Variants in SREK1 observed in about 807,000 individuals in gnomAD.
SREK1 encodes splicing regulatory glutamine/lysine-rich protein 1.
A neutral mutation model predicts 66.5 loss-of-function variants in SREK1; 13 were observed. That is an observed-to-expected ratio of 0.20 (90% CI 0.13 to 0.31). SREK1 has a LOEUF of 0.31. SREK1 is among the 10% of genes least tolerant of loss of function. The pLI, the probability that SREK1 is intolerant of heterozygous loss-of-function variation, is 1.00. For synonymous variants in SREK1, 265 were observed against 263.5 expected (o/e 1.01, Z -0.05); for missense variants, 607 against 769.6 (o/e 0.79, Z 2.50).
At chr5:66,168,902 A>G (rs1402660164) in intron 7 of SREK1, 2 of 152,204 alleles carry the variant, frequency 1.3e-5, no homozygotes, top group Admixed American at 6.5e-5. Context: ...GCAGTTTTAC[A>G]TACATCATCA....
chr5:66,171,617 A>G (rs969839163), intron 9 of SREK1, among the ~76,000 whole-genome samples: 10 of 152,316 alleles, frequency 6.6e-5, no homozygotes, highest in African/African-American at 1.9e-4. Context: ...CCTAACTTAT[A>G]CTACACTATC....
chr5:66,161,774 A>AT (rs1744793994), intron 3 of SREK1, among the ~76,000 whole-genome samples: 1 of 152,188 alleles, frequency 6.6e-6, no homozygotes, highest in South Asian at 2.1e-4. Flanking sequence ...TTCACCCTGT[A>AT]TTTTCCCTAG....
At chr5:66,159,404 C>A in intron 3 of SREK1, 70 bp downstream of exon 3, 3 of 1,173,290 alleles carry the variant, frequency 2.6e-6, no homozygotes, top group Non-Finnish European at 3.5e-6. Context: ...TAGAGAGCTT[C>A]AGATTATTTG....
At chr5:66,161,634 C>T (rs1242828315) in intron 3 of SREK1, among the ~76,000 whole-genome samples, 1 of 152,162 alleles carries the variant, frequency 6.6e-6, no homozygotes, top group Non-Finnish European at 1.5e-5. Flanking sequence ...TGTAGCGCTG[C>T]TGGCTGTAAG....
chr5:66,177,546 A>T lies in SREK1; in HGVS notation c.1613A>T (p.Glu538Val). 1 of 1,604,052 alleles carries T rather than the reference A, an allele frequency of 6.2e-7. No homozygotes were observed. The change falls in exon 11 of 12, where the codon GAA becomes GTA. Residue 538 changes from glutamate (E) to valine (V), a missense_variant. This residue lies in a region of SREK1 where 318 missense variants were observed against 310.3 expected (regional missense o/e 1.02). Transcript: ENST00000334121. ...AAGAAGGATAAAAAGAGAGAAAAAG[A>T]AAGGGACCACATCAGTGAAAGAAGA... ...RNKKDKKREK[E>V]RDHISERRER...
rs185452813 is a variant in SREK1 at position 66,144,616 on chromosome 5, G to T, written c.161+79G>T. 13 of 1,470,976 alleles carry T rather than the reference G, an allele frequency of 8.8e-6. No homozygotes were observed. In the East Asian group the frequency reaches 3.0e-4, roughly 34 times the overall value. The allele number at this position is 1,470,976 out of a possible 1,614,324, so 91.1% of individuals were successfully genotyped here. A position where few individuals can be genotyped will look rare whatever the true frequency, so the allele number is the denominator to read the frequency against. On this transcript the variant is annotated intron_variant, in intron 1 of 11. Transcript: ENST00000334121. ...GAGCCGAGGCGTGGAGGAGAGCGCG[G>T]ACGCGGGCGCGCGGTGCATGTCACG...
rs777010784 is a variant in SREK1 at position 66,170,612 on chromosome 5, G to T, written c.1149G>T (p.Lys383Asn). ...SRDKRKDTRE[K>N]IKEKERVKEK... ...ACAAGAGAAAAGACACTCGAGAAAA[G>T]ATCAAGGAAAAGGAAAGAGTGAAAG... The change falls in exon 9 of 12, where the codon AAG becomes AAT. Residue 383 changes from lysine to asparagine, a missense_variant. This residue lies in a region of SREK1 where 318 missense variants were observed against 310.3 expected (regional missense o/e 1.02). Transcript: ENST00000334121. 11 of 1,607,710 alleles carry T rather than the reference G, an allele frequency of 6.8e-6. No homozygotes were observed. Among genetic ancestry groups the T allele is most frequent in the Non-Finnish European group, 9.3e-6 (11 of 1,178,522 alleles).
At chr5:66,170,326 G>A (rs1745526583) in intron 8 of SREK1, among the ~76,000 whole-genome samples, 156 bp downstream of exon 8, 1 of 152,104 alleles carries the variant, frequency 6.6e-6, no homozygotes, top group Non-Finnish European at 1.5e-5. Context: ...TAGTAATCTA[G>A]GATTAATATT....
chr5:66,173,840 A>G (rs1311357199), intron 9 of SREK1, among the ~76,000 whole-genome samples: 1 of 152,238 alleles, frequency 6.6e-6, no homozygotes, highest in Admixed American at 6.5e-5. Flanking sequence ...TAATGTATCT[A>G]ATTTCCACAT....
chr5:66,160,953 T>G (rs1744709131), intron 3 of SREK1, among the ~76,000 whole-genome samples: 1 of 152,224 alleles, frequency 6.6e-6, no homozygotes, highest in Non-Finnish European at 1.5e-5. Flanking sequence ...TTAAAAATAA[T>G]ACGTTCCTTA....
Position 66,182,694 on chromosome 5 carries a change from T to C in SREK1, c.*3826T>C, listed in dbSNP as rs1349726182. 6.6e-6 allele frequency: 1 copy of C among 152,188 alleles called. No homozygotes were observed. The highest frequency in any genetic ancestry group is 1.9e-4 in the East Asian group (1 of 5,196). 9.4% of individuals were successfully genotyped at this position (152,188 alleles called of 1,614,324 possible). A position where few individuals can be genotyped will look rare whatever the true frequency, so the allele number is the denominator to read the frequency against. ...GATCCTCTCACCTCAGCCTCTTGAA[T>C]AGCTGGGACCACAGACATGTGCCAC... On this transcript the variant is annotated 3_prime_UTR_variant, in exon 12 of 12. Transcript: ENST00000334121.
chr5:66,167,907 T>C (rs187146845), intron 7 of SREK1: 1 of 152,328 alleles, frequency 6.6e-6, no homozygotes, highest in East Asian at 1.9e-4. Flanking sequence ...GATTACCCTA[T>C]GTGGATATCT....
chr5:66,162,356 T>C, intron 4 of SREK1, 58 bp from the exon 5 acceptor site: 1 of 1,604,980 alleles, frequency 6.2e-7, no homozygotes. Flanking sequence ...GATACAGTAA[T>C]ATTTATCTGA....
chr5:66,157,302 TG>T, intron 2 of SREK1: 1 of 984,654 alleles, frequency 1.0e-6, no homozygotes, highest in African/African-American at 1.7e-5. Flanking sequence ...TGGCCAGTGT[TG>T]AATACCCTTT....
chr5:66,179,774 G>A lies in SREK1; in HGVS notation c.*906G>A, dbSNP rs2112124354. ...GAAGCTTTAGTGCCTTCTACAATGT[G>A]GTATACTGTTTTCTAGAATTTTATA... On this transcript the variant is annotated 3_prime_UTR_variant, in exon 12 of 12. Coordinates refer to ENST00000334121, the MANE Select transcript of SREK1 (RefSeq NM_001077199.3). The A allele has an allele frequency of 6.6e-6, 1 of 152,442 alleles. No homozygotes were observed. The highest frequency in any genetic ancestry group is 2.1e-4 in the South Asian group (1 of 4,822). The allele number at this position is 152,442 out of a possible 1,614,324, so 9.4% of individuals were successfully genotyped here. A position where few individuals can be genotyped will look rare whatever the true frequency, so the allele number is the denominator to read the frequency against.
chr5:66,148,930 C>G (rs146151668), intron 1 of SREK1, among the ~76,000 whole-genome samples: 3 of 152,254 alleles, frequency 2.0e-5, no homozygotes, highest in Admixed American at 1.3e-4. Context: ...TGGCTTGCTA[C>G]TCTAATAATT....
intron 1 of SREK1, 47 bp from the exon 2 acceptor site, chr5:66,153,416 C>A: frequency 6.3e-7 from 1 of 1,578,178 alleles, no homozygotes; most frequent in South Asian, 1.2e-5. Context: ...AATGATAAAA[C>A]CAAGCAAATG....
chr5:66,156,539 C>T (rs759354693), intron 2 of SREK1: 32 of 986,508 alleles, frequency 3.2e-5, no homozygotes, highest in Non-Finnish European at 3.6e-5. Flanking sequence ...TGATAAGTAT[C>T]TCAGGAACAC....
Position 66,170,871 on chromosome 5 carries a change from AAAAG to A in SREK1, c.1415_1418del (p.Lys472ArgfsTer43). On this transcript the variant is annotated frameshift_variant, in exon 9 of 12. Coordinates refer to ENST00000334121, the MANE Select transcript of SREK1 (RefSeq NM_001077199.3). LOFTEE classifies it high-confidence loss of function. ...AGACAGATCCAAAGAGATAGATGAA[AAAAG>A]AAAGAAGGATAAAAAATCCAGAACA... The A allele has an allele frequency of 6.2e-7, 1 of 1,613,758 alleles. No homozygotes were observed. The highest frequency in any genetic ancestry group is 8.5e-7 in the Non-Finnish European group (1 of 1,179,952).
Sources: allele counts gnomAD v4.1 joint callset (sites outside exome capture counted in the v4.1 genomes callset), GRCh38; gene constraint gnomAD v4.1.1; regional missense constraint gnomAD v4.1.1; transcripts MANE v1.5; gene names NCBI Gene and HGNC (gene_info 2026-07-23, HGNC 2026-07-21).